Variants in PAICS observed in about 807,000 individuals in gnomAD.
PAICS encodes the protein phosphoribosylaminoimidazole carboxylase and phosphoribosylaminoimidazolesuccinocarboxamide synthase, also known as bifunctional phosphoribosylaminoimidazole carboxylase/phosphoribosylaminoimidazole succinocarboxamide synthetase.
PAICS carries 33 observed loss-of-function variants against 53.7 expected under a neutral mutation model. That is an observed-to-expected ratio of 0.61 (90% confidence interval 0.47 to 0.82). The LOEUF is 0.82. PAICS is among the 40% of genes least tolerant of loss of function. The pLI, the probability that PAICS is intolerant of heterozygous loss-of-function variation, is 0.00. For missense variants in PAICS, 394 were observed against 494.1 expected, an observed-to-expected ratio of 0.80 and a Z score of 1.92; for synonymous variants, 141 against 167.2, an observed-to-expected ratio of 0.84 and a Z score of 1.21.
chr4:56,458,151 A>T (rs1180458830), intron 8 of PAICS, among the ~76,000 whole-genome samples: 1 of 152,182 alleles, frequency 6.6e-6, no homozygotes, highest in African/African-American at 2.4e-5. Context: ...GTGACAAATA[A>T]TCTGGAAGAC....
chr4:56,443,380 G>A (rs1718431922), intron 2 of PAICS, among the ~76,000 whole-genome samples: 1 of 152,064 alleles, frequency 6.6e-6, no homozygotes, highest in South Asian at 2.1e-4. Flanking sequence ...TAGAGACGAG[G>A]TTTTGCCATA....
Position 56,446,799 on chromosome 4 carries a change from TC to T in PAICS, c.320del (p.Ser107PhefsTer39). 6.2e-7 allele frequency: 1 copy of T among 1,609,856 alleles called. No homozygotes were observed. The highest frequency in any genetic ancestry group is 8.5e-7 in the Non-Finnish European group (1 of 1,177,542). On this transcript the variant is annotated frameshift_variant, in exon 3 of 9. Transcript: ENST00000512576. LOFTEE classifies it high-confidence loss of function. ...EWVCRRIATGSFLKRNPGVKE... is the reference protein window; with the variant it reads ...EWVCRRIATGXFLKRNPGVKE... ...GGTTTGCAGAAGAATAGCAACTGGT[TC>T]TTTTCTCAAAAGAAATCCTGGTGTC...
the PAICS span, among the ~76,000 whole-genome samples, chr4:56,415,069 T>C: frequency 2.0e-5 from 3 of 152,248 alleles, no homozygotes; most frequent in Non-Finnish European, 4.4e-5. Context: ...ATAAAGAGCA[T>C]ATCTTTTCTT....
At chr4:56,429,324 A>T in the PAICS span, among the ~76,000 whole-genome samples, 1 of 152,164 alleles carries the variant, frequency 6.6e-6, no homozygotes. Flanking sequence ...CTTTACAGTG[A>T]TTGTTGCAAT....
chr4:56,441,336 T>A (rs1718327547), intron 1 of PAICS, among the ~76,000 whole-genome samples: 1 of 152,220 alleles, frequency 6.6e-6, no homozygotes, highest in African/African-American at 2.4e-5. Context: ...AGGTTAATAG[T>A]GGAAAGAGCA....
At chr4:56,435,639 G>T (rs1462689190), upstream of PAICS, 3 of 1,441,632 alleles carry the variant, frequency 2.1e-6, no homozygotes, top group Admixed American at 2.2e-5. Context: ...CTGTCCCTAG[G>T]TGGCGTGGCC....
chr4:56,443,533 A>G (rs1394385916), intron 2 of PAICS, among the ~76,000 whole-genome samples: 1 of 151,910 alleles, frequency 6.6e-6, no homozygotes, highest in Non-Finnish European at 1.5e-5. Flanking sequence ...AACTCTCCCC[A>G]TTCACTTAAA....
the PAICS span, among the ~76,000 whole-genome samples, chr4:56,426,591 C>T: frequency 6.6e-6 from 1 of 152,100 alleles, no homozygotes; most frequent in Non-Finnish European, 1.5e-5. Context: ...CACGTTGTAG[C>T]ATATATCAGT....
At chr4:56,429,063 T>A in the PAICS span, 2 of 374,918 alleles carry the variant, frequency 5.3e-6, no homozygotes, top group African/African-American at 2.2e-5. Context: ...TGTTGCTTTT[T>A]CCTGATAACA....
At chr4:56,435,473 T>C (rs573844517), upstream of PAICS, 3 of 1,613,314 alleles carry the variant, frequency 1.9e-6, no homozygotes, top group Non-Finnish European at 2.5e-6. Flanking sequence ...CTCCTCCAGC[T>C]CCATGTCGCC....
intron 1 of PAICS, among the ~76,000 whole-genome samples, chr4:56,440,989 A>T (rs184792356): frequency 1.3e-5 from 2 of 152,292 alleles, no homozygotes; most frequent in Admixed American, 6.5e-5. Context: ...CTTTGTGCTC[A>T]CTTCCTCACA....
chr4:56,435,918 G>C (rs750777072), upstream of PAICS: 1 of 1,491,746 alleles, frequency 6.7e-7, no homozygotes, highest in Non-Finnish European at 9.0e-7. Flanking sequence ...CCCCCAGGCC[G>C]TCAAGACTTG....
At chr4:56,418,453 G>T in the PAICS span, among the ~76,000 whole-genome samples, 2 of 151,934 alleles carry the variant, frequency 1.3e-5, no homozygotes, top group Admixed American at 1.3e-4. Context: ...CCAAATACCT[G>T]AGACCACAGG....
At chr4:56,434,576 A>G (rs1298301432), upstream of PAICS, among the ~76,000 whole-genome samples, 1 of 152,170 alleles carries the variant, frequency 6.6e-6, no homozygotes, top group Non-Finnish European at 1.5e-5. Context: ...TTCAAAATCA[A>G]GTGTATGGAT....
Position 56,459,803 on chromosome 4 carries a change from G to A in PAICS, c.*265G>A, listed in dbSNP as rs890454866. 4.8e-5 allele frequency: 15 copies of A among 313,430 alleles called. No individual in the cohort carries two copies. The highest frequency in any genetic ancestry group is 3.0e-4 in the African/African-American group (14 of 47,222). The allele number at this position is 313,430 out of a possible 1,614,324, so 19.4% of individuals were successfully genotyped here. ...TTAAGTATTGGTGGTCACTACTATT[G>A]AGTTTCTTCCTTAACACTGATTAAA... On this transcript the variant is annotated 3_prime_UTR_variant, in exon 9 of 9. Transcript: ENST00000512576.
chr4:56,427,396 A>C, the PAICS span, among the ~76,000 whole-genome samples: 1 of 152,210 alleles, frequency 6.6e-6, no homozygotes, highest in Non-Finnish European at 1.5e-5. Flanking sequence ...GTCATATGGC[A>C]TATGCTGAAA....
the PAICS span, among the ~76,000 whole-genome samples, chr4:56,415,399 T>C: frequency 3.0e-4 from 45 of 152,360 alleles, no homozygotes; most frequent in African/African-American, 9.4e-4. Flanking sequence ...CTTTCTAAGA[T>C]GTACTTCATC....
chr4:56,442,454 A>T (rs1718388977), intron 2 of PAICS, among the ~76,000 whole-genome samples: 1 of 152,214 alleles, frequency 6.6e-6, no homozygotes, highest in African/African-American at 2.4e-5. Context: ...GAAGATCAGA[A>T]CATTGTGTGG....
intron 1 of PAICS, among the ~76,000 whole-genome samples, chr4:56,438,372 TA>T (rs1718138737): frequency 1.7e-3 from 2 of 1,174 alleles, no homozygotes; most frequent in African/African-American, 3.4e-3. Context: ...GCAATGTGTT[TA>T]TATATATATA....
Sources: gnomAD v4.1 joint callset for allele counts (sites outside exome capture counted in the v4.1 genomes callset) on GRCh38, gnomAD v4.1.1 for gene constraint, MANE v1.5 for transcripts, NCBI Gene and HGNC (gene_info 2026-07-23, HGNC 2026-07-21) for gene names.